SLCO1A2: variants seen among roughly 807,000 people sequenced by gnomAD.
SLCO1A2 encodes the protein OATP-1.
In SLCO1A2, 67 loss-of-function variants were observed where a neutral mutation model predicts 69.0. The ratio of observed to expected loss-of-function variants is 0.97; its 90% CI spans 0.80 to 1.19. SLCO1A2 has a LOEUF of 1.19. Ranked by LOEUF, SLCO1A2 falls within the 50% of genes most tolerant of loss-of-function variation. SLCO1A2 has a pLI of 0.00. For synonymous variants in SLCO1A2, 260 were observed against 265.9 expected, an observed-to-expected ratio of 0.98 and a Z score of 0.22; for missense variants, 787 against 793.7, an observed-to-expected ratio of 0.99 and a Z score of 0.10.
chr12:21,412,186 G>C (rs1225314103), intron 1 of SLCO1A2, among the ~76,000 whole-genome samples: 1 of 152,118 alleles, frequency 6.6e-6, no homozygotes, highest in Non-Finnish European at 1.5e-5. Context: ...TTTGAGACCA[G>C]CCTAACCAAC....
At position 21,314,137 on chromosome 12, in the gene SLCO1A2, C is replaced by T. The variant is rs555165297; in HGVS notation, c.335+412G>A. 7.2e-4 allele frequency among the ~76,000 whole-genome samples: 110 copies of T among 152,138 alleles called. 1 individual carries two copies. The highest frequency in any genetic ancestry group is 3.4e-3 in the Middle Eastern group (1 of 294). Reference sequence around the variant, plus strand: ...TTTGTAATAGTTTTTATTTTTATGACTTTGTACATAGTTACTTTGGTAAAA... The same window carrying T: ...TTTGTAATAGTTTTTATTTTTATGATTTTGTACATAGTTACTTTGGTAAAA... On this transcript the variant is annotated intron_variant, in intron 4 of 14. Transcript: ENST00000683939.
chr12:21,354,827 A>C (rs1253480447), intron 2 of SLCO1A2: 1 of 152,052 alleles, frequency 6.6e-6, no homozygotes, highest in African/African-American at 2.4e-5. Context: ...GTCATCTTTG[A>C]GCACTTCCAT....
At chr12:21,281,405 G>A (rs746101516) in intron 12 of SLCO1A2, among the ~76,000 whole-genome samples, 26 of 151,582 alleles carry the variant, frequency 1.7e-4, no homozygotes, top group South Asian at 4.2e-4. Flanking sequence ...AGCCAAGATC[G>A]CGCCACTGCA....
At chr12:21,327,213 G>T in intron 2 of SLCO1A2, among the ~76,000 whole-genome samples, 1 of 152,124 alleles carries the variant, frequency 6.6e-6, no homozygotes, top group East Asian at 1.9e-4. Flanking sequence ...ATTGAGGTTT[G>T]GGAACCTCTG....
At chr12:21,395,781 A>C (rs1035032602), upstream of SLCO1A2, among the ~76,000 whole-genome samples, 2 of 152,190 alleles carry the variant, frequency 1.3e-5, no homozygotes, top group African/African-American at 4.8e-5. Context: ...CTCAAACGGC[A>C]GGGTACTCCA....
intron 14 of SLCO1A2, among the ~76,000 whole-genome samples, chr12:21,272,486 A>G (rs768852911): frequency 6.6e-6 from 1 of 151,718 alleles, no homozygotes; most frequent in Non-Finnish European, 1.5e-5. Flanking sequence ...TAATTTTTCT[A>G]TATTTTTATA....
chr12:21,299,770 G>GTATATATA (rs749456623), intron 8 of SLCO1A2, among the ~76,000 whole-genome samples: 14 of 129,706 alleles, frequency 1.1e-4, no homozygotes, highest in African/African-American at 3.4e-4. Context: ...ATATACGTGT[G>GTATATATA]TATATATATA....
chr12:21,329,734 C>A (rs1047116913), intron 2 of SLCO1A2, among the ~76,000 whole-genome samples: 7 of 140,292 alleles, frequency 5.0e-5, no homozygotes, highest in African/African-American at 1.4e-4. Flanking sequence ...ATATTTTTAT[C>A]TTTACTTAAA....
In SLCO1A2 at chr12:21,329,515, T is replaced by A. The variant is rs79759766; in HGVS notation, c.60+5073A>T. Among the ~76,000 whole-genome samples, 107 of 149,766 alleles carry A rather than the reference T, an allele frequency of 7.1e-4. 2 individuals are homozygous for A. The East Asian group carries it at 0.017, about 24-fold the overall frequency. The stretch of plus-strand genomic sequence containing the variant: ...TGAATATTTTTGCTTTTTTTTTTTT[T>A]ATTAGTTTGCATCTCCTTATGCATT... On this transcript the variant is annotated intron_variant, in intron 2 of 14. Transcript: ENST00000683939.
chr12:21,379,940 A>G (rs1016348474), intron 1 of SLCO1A2: 4 of 152,168 alleles, frequency 2.6e-5, no homozygotes, highest in African/African-American at 9.7e-5. Flanking sequence ...CTATGTCATG[A>G]ATTACATATT....
At chr12:21,378,071 C>CA (rs907574630) in intron 1 of SLCO1A2, among the ~76,000 whole-genome samples, 25 of 150,960 alleles carry the variant, frequency 1.7e-4, no homozygotes, top group Non-Finnish European at 2.4e-4. Flanking sequence ...TTCAAGGTGT[C>CA]AAAAAAAAAT....
At chr12:21,307,011 A>T in intron 4 of SLCO1A2, 23 bp from the exon 5 acceptor site, 4 of 1,522,060 alleles carry the variant, frequency 2.6e-6, no homozygotes, top group Non-Finnish European at 3.6e-6. Context: ...AGGGAAAATG[A>T]GTTTATTTTA....
intron 5 of SLCO1A2, among the ~76,000 whole-genome samples, chr12:21,306,561 A>C (rs1040766921): frequency 2.0e-5 from 3 of 152,158 alleles, no homozygotes; most frequent in African/African-American, 7.2e-5. Context: ...TCCTGACCTC[A>C]GGTGATCCAT....
chr12:21,336,704 A>G (rs2136968111), upstream of SLCO1A2, among the ~76,000 whole-genome samples: 1 of 152,108 alleles, frequency 6.6e-6, no homozygotes, highest in South Asian at 2.1e-4. Context: ...TTAATATCAT[A>G]GTCATTGTTG....
chr12:21,269,553 A>G lies in SLCO1A2; in HGVS notation c.2008T>C (p.Leu670=). 2.5e-6 allele frequency: 4 copies of G among 1,606,270 alleles called. No homozygotes were observed. Among genetic ancestry groups the G allele is most frequent in the Non-Finnish European group, 3.4e-6 (4 of 1,174,208 alleles). ...VLKDDELKTK[L] is the part of the protein sequence containing the mutation. ...AAAGTAATATAATAGGACAATTACA[A>G]TTTAGTTTTCAATTCATCATCTTTC... is the stretch of plus-strand genomic sequence containing the variant. Residue 670 remains leucine, a synonymous_variant, in exon 15 of 15, where the codon TTG becomes CTG. Transcript: ENST00000683939.
chr12:21,387,631 T>C (rs1940946157), intron 1 of SLCO1A2, among the ~76,000 whole-genome samples: 1 of 152,180 alleles, frequency 6.6e-6, no homozygotes, highest in Non-Finnish European at 1.5e-5. Context: ...CACCTGGATG[T>C]CCAGGCAGAG....
intron 9 of SLCO1A2, among the ~76,000 whole-genome samples, chr12:21,297,151 A>T (rs893588457): frequency 2.6e-5 from 4 of 152,130 alleles, no homozygotes; most frequent in African/African-American, 9.7e-5. Flanking sequence ...GACTTCAGAG[A>T]GAAGAAAATC....
upstream of SLCO1A2, among the ~76,000 whole-genome samples, chr12:21,396,137 G>C (rs968046756): frequency 6.6e-6 from 1 of 151,650 alleles, no homozygotes; most frequent in Non-Finnish European, 1.5e-5. Flanking sequence ...AAATTTAGAA[G>C]AATGTATAAC....
At chr12:21,397,465 G>A (rs554536562), upstream of SLCO1A2, among the ~76,000 whole-genome samples, 4,754 of 151,632 alleles carry the variant, frequency 0.031, 110 homozygotes, top group Middle Eastern at 0.058. Flanking sequence ...ACAGATCAAC[G>A]AGACAGAAAG....
Sources: allele counts gnomAD v4.1 joint callset (sites outside exome capture counted in the v4.1 genomes callset), GRCh38; gene constraint gnomAD v4.1.1; transcripts MANE v1.5; gene names NCBI Gene and HGNC (gene_info 2026-07-23, HGNC 2026-07-21).